Variants in ANK3 observed in about 807,000 individuals in gnomAD.
ANK3 encodes ankyrin-3.
Under a neutral mutation model 370.9 loss-of-function variants are expected in ANK3, and 57 were observed. That is an observed-to-expected ratio of 0.15 (90% confidence interval 0.12 to 0.19). The LOEUF (loss-of-function observed/expected upper bound fraction) is 0.19, where lower values mean the gene tolerates loss of function less well. Among genes scored for constraint, ANK3 ranks in the 10% least tolerant of loss-of-function variants. The pLI, the probability that ANK3 is intolerant of heterozygous loss-of-function variation, is 1.00. For synonymous variants in ANK3, 1,929 were observed against 1,946.3 expected, an observed-to-expected ratio of 0.99 and a Z score of 0.23; for missense variants, 4,439 against 5,302.1, an observed-to-expected ratio of 0.84 and a Z score of 5.06.
chr10:60,032,293 G>A (rs544012090), intron 43 of ANK3, among the ~76,000 whole-genome samples: 14 of 131,978 alleles, frequency 1.1e-4, no homozygotes, highest in Non-Finnish European at 1.5e-4. Flanking sequence ...TGCAACCTCC[G>A]CCTCCCGGGT....
chr10:60,095,897 G>T (rs376010602), intron 28 of ANK3, among the ~76,000 whole-genome samples: 2 of 152,190 alleles, frequency 1.3e-5, no homozygotes, highest in Admixed American at 1.3e-4. Context: ...TCAGAGGCCG[G>T]GTACAGTGGC....
rs892322321 is a variant in ANK3, at chr10:60,196,068, G to A, written c.1887+77C>T. 3.8e-5 allele frequency: 50 copies of A among 1,316,308 alleles called. No homozygotes were observed. In the African/African-American group the frequency reaches 4.7e-4, roughly 12 times the overall value. The allele number at this position is 1,316,308 out of a possible 1,614,324, so 81.5% of individuals were successfully genotyped here. On this transcript the variant is annotated intron_variant, in intron 16 of 43. Coordinates refer to ENST00000280772, the MANE Select transcript of ANK3 (RefSeq NM_020987.5). ...CCTAAACTAGGAGGGTGCTCCTGCT[G>A]AAGCAGAAGTAGATGTGCAGATAGA... is the stretch of plus-strand genomic sequence containing the variant.
At chr10:60,680,137 G>GA (rs10641945) in intron 1 of ANK3, among the ~76,000 whole-genome samples, 2,698 of 128,304 alleles carry the variant, frequency 0.021, 101 homozygotes, top group African/African-American at 0.065. Flanking sequence ...TCTGTCTCGG[G>GA]AAAAAAAAAA....
chr10:60,632,979 T>A (rs1342015836), intron 1 of ANK3, among the ~76,000 whole-genome samples: 1 of 152,188 alleles, frequency 6.6e-6, no homozygotes, highest in Non-Finnish European at 1.5e-5. Flanking sequence ...AATTTTTAAA[T>A]ATTCTATTTT....
chr10:60,116,994 T>C (rs2093143380), intron 25 of ANK3, among the ~76,000 whole-genome samples: 1 of 151,892 alleles, frequency 6.6e-6, no homozygotes, highest in African/African-American at 2.4e-5. Flanking sequence ...AGATGGAGGG[T>C]CTGTGTCAGA....
chr10:60,044,727 A>C (rs2131873686), intron 42 of ANK3: 1 of 152,316 alleles, frequency 6.6e-6, no homozygotes, highest in East Asian at 1.9e-4. Flanking sequence ...AGTTCTACCG[A>C]ATCTCTAGAG....
At chr10:60,493,367 T>G (rs67801419) in intron 2 of ANK3, among the ~76,000 whole-genome samples, 3 of 151,572 alleles carry the variant, frequency 2.0e-5, no homozygotes, top group African/African-American at 7.3e-5. Context: ...AAACCATGCT[T>G]AAGATAGAAA....
intron 43 of ANK3, among the ~76,000 whole-genome samples, chr10:60,033,526 A>AC (rs2074193709): frequency 3.4e-5 from 5 of 148,280 alleles, no homozygotes; most frequent in Middle Eastern, 6.8e-3. Flanking sequence ...AAAAAAAAAA[A>AC]AAAAAAAAAA....
intron 7 of ANK3, among the ~76,000 whole-genome samples, chr10:60,257,592 AT>A (rs1467673902): frequency 6.6e-6 from 1 of 152,190 alleles, no homozygotes; most frequent in Admixed American, 6.5e-5. Context: ...TAACTACAGG[AT>A]TTCAGTTGTC....
At chr10:60,727,533 TGTA>T (rs1484954864) in intron 1 of ANK3, among the ~76,000 whole-genome samples, 1 of 152,172 alleles carries the variant, frequency 6.6e-6, no homozygotes, top group Non-Finnish European at 1.5e-5. Context: ...TACACTTAAA[TGTA>T]GTGAGTTTTA....
At chr10:60,497,447 G>C (rs1242994895) in intron 2 of ANK3, among the ~76,000 whole-genome samples, 2 of 152,114 alleles carry the variant, frequency 1.3e-5, no homozygotes, top group Non-Finnish European at 2.9e-5. Flanking sequence ...AACACACAAA[G>C]TGAAGTCCCA....
At chr10:60,520,359 C>T (rs978578084) in intron 2 of ANK3, among the ~76,000 whole-genome samples, 15 of 152,002 alleles carry the variant, frequency 9.9e-5, no homozygotes, top group African/African-American at 3.6e-4. Flanking sequence ...ATTCGCATCC[C>T]AAACCTTAGC....
chr10:60,202,278 T>C (rs1345940281), intron 12 of ANK3, among the ~76,000 whole-genome samples: 2 of 152,080 alleles, frequency 1.3e-5, no homozygotes, highest in East Asian at 3.9e-4. Flanking sequence ...TGCGCCACCA[T>C]GCCTGGCTAA....
In ANK3 at chr10:60,436,068, A is replaced by T. The variant is rs904551084; in HGVS notation, c.97-156429T>A. ...GCGCCACAGCACTCCCGCCTGGGCGACAAGAACGAGACTCCGTCTCAAAAA... is the reference window on the plus strand; with the variant it reads ...GCGCCACAGCACTCCCGCCTGGGCGTCAAGAACGAGACTCCGTCTCAAAAA... On this transcript the variant is annotated intron_variant, in intron 2 of 43. Coordinates refer to the ANK3 transcript ENST00000373827. 8.0e-5 allele frequency among the ~76,000 whole-genome samples: 12 copies of T among 150,784 alleles called. 1 individual carries two copies. The highest frequency in any genetic ancestry group is 2.9e-4 in the African/African-American group (12 of 41,038).
Position 60,070,312 on chromosome 10 carries a change from T to C in ANK3, c.10569A>G (p.Lys3523=). 1 of 1,614,124 alleles carries C rather than the reference T, an allele frequency of 6.2e-7. No homozygotes were observed. The change falls in exon 37 of 44, where the codon AAA becomes AAG. Residue 3523 remains lysine (K), a synonymous_variant. Transcript: ENST00000280772. The surrounding 1 kb of genome is among the most constrained non-coding windows in gnomAD (Gnocchi z 5.7). ...SVFPDTYFSY[K]VDEEFATPFK... ...AAGGAGTGGCAAATTCTTCATCTAC[T>C]TTGTAACTGAAGTAAGTATCAGGAA...
intron 1 of ANK3, among the ~76,000 whole-genome samples, chr10:60,615,832 AG>A (rs1317281816): frequency 6.6e-6 from 1 of 152,222 alleles, no homozygotes; most frequent in African/African-American, 2.4e-5. Context: ...CTCTGACTAC[AG>A]GAACTCCAAG....
intron 1 of ANK3, among the ~76,000 whole-genome samples, chr10:60,388,433 T>C (rs1252934904): frequency 6.6e-6 from 1 of 152,234 alleles, no homozygotes; most frequent in East Asian, 1.9e-4. Context: ...ACTGCTCAAA[T>C]TAAGGATATC....
intron 25 of ANK3, among the ~76,000 whole-genome samples, chr10:60,120,485 A>C (rs1031448990): frequency 6.6e-6 from 1 of 152,166 alleles, no homozygotes; most frequent in Admixed American, 6.5e-5. Context: ...CAAGTTGAAA[A>C]GCTTCCGCAC....
In ANK3 at chr10:60,072,852, C is replaced by G; in HGVS notation, c.8029G>C (p.Val2677Leu). The change falls in exon 37 of 44, where the codon GTT becomes CTT. Residue 2677 changes from valine to leucine, a missense_variant. By Grantham distance (32) the Val-to-Leu change is conservative. This residue lies in a region of ANK3 where 1,601 missense variants were observed against 1,731.7 expected (regional missense o/e 0.92). Coordinates refer to ENST00000280772, the MANE Select transcript of ANK3 (RefSeq NM_020987.5). ...PSLPSSPEKM[V>L]LSQQTEDSKS... The stretch of plus-strand genomic sequence containing the variant: ...CTGTCCTCAGTCTGTTGGGAGAGAA[C>G]CATCTTCTCTGGGCTGCTGGGCAGA... The G allele has an allele frequency of 6.2e-7, 1 of 1,614,096 alleles. No homozygotes were observed. Among genetic ancestry groups the G allele is most frequent in the Non-Finnish European group, 8.5e-7 (1 of 1,180,010 alleles).
Sources: allele counts gnomAD v4.1 joint callset (sites outside exome capture counted in the v4.1 genomes callset), GRCh38; gene constraint gnomAD v4.1.1; regional missense constraint gnomAD v4.1.1; non-coding constraint Gnocchi (gnomAD v3.1); transcripts MANE v1.5; gene names NCBI Gene and HGNC (gene_info 2026-07-23, HGNC 2026-07-21).